The following FGF10 variants were observed in gnomAD, a reference collection of about 807,000 sequenced individuals.
The protein encoded by FGF10 is FGF-10.
A neutral mutation model predicts 19.8 loss-of-function variants in FGF10; 2 were observed. The ratio of observed to expected loss-of-function variants is 0.10; its 90% CI spans 0.04 to 0.32. The LOEUF (loss-of-function observed/expected upper bound fraction) is 0.32. Ranked by LOEUF, FGF10 falls within the 10% of genes least tolerant of loss-of-function variation. The pLI is 1.00. For synonymous variants in FGF10, 112 were observed against 94.0 expected, an observed-to-expected ratio of 1.19 and a Z score of -1.10; for missense variants, 191 against 246.3, an observed-to-expected ratio of 0.78 and a Z score of 1.50.
intron 1 of FGF10, among the ~76,000 whole-genome samples, chr5:44,369,611 A>G (rs1290359275): frequency 6.6e-6 from 1 of 152,084 alleles, no homozygotes; most frequent in Non-Finnish European, 1.5e-5. Flanking sequence ...GCTTTTGATG[A>G]ATATCATATC....
chr5:44,322,709 A>G (rs1740525905), intron 1 of FGF10, among the ~76,000 whole-genome samples: 1 of 152,022 alleles, frequency 6.6e-6, no homozygotes, highest in Non-Finnish European at 1.5e-5. Flanking sequence ...CCAACATTCT[A>G]TCTTTGTGAA....
chr5:44,388,779 G>T lies in FGF10; in HGVS notation c.-97C>A. 1 of 1,296,708 alleles carries T rather than the reference G, an allele frequency of 7.7e-7. No homozygotes were observed. Among genetic ancestry groups the T allele is most frequent in the Non-Finnish European group, 1.1e-6 (1 of 907,660 alleles). The allele number at this position is 1,296,708 out of a possible 1,614,324, so 80.3% of individuals were successfully genotyped here. A position where few individuals can be genotyped will look rare whatever the true frequency, so the allele number is the denominator to read the frequency against. On this transcript the variant is annotated 5_prime_UTR_variant, in exon 1 of 3. Transcript: ENST00000264664. Reference sequence around the variant, plus strand: ...AGGCAAGGAGAGAGCTCGAGGTGGTGGCTGCTGGTTAGCTCCCTCTGGGCG... The same window carrying T: ...AGGCAAGGAGAGAGCTCGAGGTGGTTGCTGCTGGTTAGCTCCCTCTGGGCG...
chr5:44,315,010 A>G (rs192031104), intron 1 of FGF10, among the ~76,000 whole-genome samples: 2 of 152,278 alleles, frequency 1.3e-5, no homozygotes, highest in Admixed American at 6.5e-5. Context: ...TAAATATACA[A>G]TGGAATTCTA....
chr5:44,334,920 G>A (rs929141576), intron 1 of FGF10, among the ~76,000 whole-genome samples: 1 of 152,092 alleles, frequency 6.6e-6, no homozygotes, highest in African/African-American at 2.4e-5. Context: ...CTGTATCACA[G>A]AAGAACTTTT....
intron 1 of FGF10, among the ~76,000 whole-genome samples, chr5:44,387,621 G>A (rs905727992): frequency 6.6e-6 from 1 of 152,132 alleles, no homozygotes; most frequent in African/African-American, 2.4e-5. Flanking sequence ...ATACGCTATT[G>A]ACAATGCAGA....
At chr5:44,376,563 TC>T (rs1175269677) in intron 1 of FGF10, among the ~76,000 whole-genome samples, 1 of 136,822 alleles carries the variant, frequency 7.3e-6, no homozygotes, top group Admixed American at 7.9e-5. Context: ...CTTCAGGTGT[TC>T]CTTTTGGGGA....
intron 1 of FGF10, among the ~76,000 whole-genome samples, chr5:44,315,100 A>G (rs531150381): frequency 1.3e-5 from 2 of 152,036 alleles, no homozygotes; most frequent in South Asian, 4.2e-4. Context: ...TCTGAAGGTT[A>G]CAAAGGCAAA....
chr5:44,330,874 A>AT (rs904985974), intron 1 of FGF10, among the ~76,000 whole-genome samples: 2 of 152,136 alleles, frequency 1.3e-5, no homozygotes, highest in Admixed American at 6.6e-5. Flanking sequence ...ATCAGACGTC[A>AT]TTTTTTGTGA....
intron 1 of FGF10, among the ~76,000 whole-genome samples, chr5:44,320,408 CAAAATGAGTAAAAAACA>C (rs1277429858): frequency 2.0e-5 from 3 of 152,104 alleles, no homozygotes; most frequent in Non-Finnish European, 4.4e-5. Context: ...CTAACCCAGC[CAAAATGAGTAAAAAACA>C]AACATCACTG....
At chr5:44,348,996 A>G (rs1156362720) in intron 1 of FGF10, among the ~76,000 whole-genome samples, 1 of 151,454 alleles carries the variant, frequency 6.6e-6, no homozygotes, top group Non-Finnish European at 1.5e-5. Flanking sequence ...CTCTTCTTTA[A>G]TGTTTCCTTC....
chr5:44,347,521 C>A (rs762930145), intron 1 of FGF10, among the ~76,000 whole-genome samples: 24 of 151,838 alleles, frequency 1.6e-4, no homozygotes, highest in Non-Finnish European at 2.5e-4. Context: ...AAACTATATC[C>A]ATCCTTCAAA....
At chr5:44,371,070 A>T (rs1354228200) in intron 1 of FGF10, among the ~76,000 whole-genome samples, 1 of 152,132 alleles carries the variant, frequency 6.6e-6, no homozygotes, top group Non-Finnish European at 1.5e-5. Context: ...ATTCATTTTG[A>T]AATTTAATCC....
intron 1 of FGF10, among the ~76,000 whole-genome samples, chr5:44,380,722 C>T (rs374076496): frequency 4.6e-5 from 7 of 152,200 alleles, no homozygotes; most frequent in African/African-American, 1.4e-4. Context: ...GGCTCACACC[C>T]GTAATCCCAG....
chr5:44,308,273 T>C (rs1003347215), intron 2 of FGF10, among the ~76,000 whole-genome samples: 5 of 152,218 alleles, frequency 3.3e-5, no homozygotes, highest in African/African-American at 1.2e-4. Context: ...GTATTAAATA[T>C]TTTTATGTCA....
chr5:44,377,859 T>C (rs1164595417), intron 1 of FGF10, among the ~76,000 whole-genome samples: 1 of 152,244 alleles, frequency 6.6e-6, no homozygotes, highest in Non-Finnish European at 1.5e-5. Flanking sequence ...TTTTAAATCA[T>C]TTTGTTCATG....
At chr5:44,357,274 T>G (rs1049681174) in intron 1 of FGF10, among the ~76,000 whole-genome samples, 1 of 151,584 alleles carries the variant, frequency 6.6e-6, no homozygotes, top group African/African-American at 2.4e-5. Context: ...GGAGGAATCT[T>G]AAACCCTGAA....
At chr5:44,333,217 G>A (rs921869195) in intron 1 of FGF10, among the ~76,000 whole-genome samples, 4 of 152,050 alleles carry the variant, frequency 2.6e-5, no homozygotes, top group Admixed American at 2.0e-4. Context: ...CTACTTTTGT[G>A]TATTTTATTA....
intron 1 of FGF10, among the ~76,000 whole-genome samples, chr5:44,379,846 T>C (rs1741947996): frequency 6.6e-6 from 1 of 152,352 alleles, no homozygotes; most frequent in East Asian, 1.9e-4. Context: ...TTTCACAGTA[T>C]GTGTCTAAAC....
chr5:44,306,328 C>A (rs181557347), intron 2 of FGF10, among the ~76,000 whole-genome samples: 1 of 152,044 alleles, frequency 6.6e-6, no homozygotes, highest in East Asian at 1.9e-4. Context: ...AGCTGGGATG[C>A]GGAGGTTGCA....
Sources: gnomAD v4.1 joint callset for allele counts (sites outside exome capture counted in the v4.1 genomes callset) on GRCh38, gnomAD v4.1.1 for gene constraint, MANE v1.5 for transcripts, NCBI Gene and HGNC (gene_info 2026-07-23, HGNC 2026-07-21) for gene names.